PPP2R2B: variants seen among roughly 807,000 people sequenced by gnomAD.
The protein encoded by PPP2R2B is serine/threonine-protein phosphatase 2A 55 kDa regulatory subunit B beta isoform.
A neutral mutation model predicts 46.0 loss-of-function variants in PPP2R2B; 5 were observed. The ratio of observed to expected loss-of-function variants is 0.11; its 90% CI spans 0.06 to 0.23. The LOEUF (loss-of-function observed/expected upper bound fraction) is 0.23, where lower values mean the gene tolerates loss of function less well. PPP2R2B is among the 10% of genes least tolerant of loss of function. PPP2R2B has a pLI of 1.00. For missense variants in PPP2R2B, 367 were observed against 575.0 expected (o/e 0.64, Z 3.70); for synonymous variants, 215 against 206.7 (o/e 1.04, Z -0.34).
At chr5:146,985,383 A>G (rs11167953) in intron 1 of PPP2R2B, among the ~76,000 whole-genome samples, 82,497 of 151,952 alleles carry the variant, frequency 0.54, 22,704 homozygotes, top group Middle Eastern at 0.62. Context: ...TGTTTCCTTT[A>G]CTGTGCAGAA....
At chr5:146,739,147 G>A (rs1752719023) in intron 2 of PPP2R2B, among the ~76,000 whole-genome samples, 1 of 151,970 alleles carries the variant, frequency 6.6e-6, no homozygotes, top group African/African-American at 2.4e-5. Flanking sequence ...CGAACCTCTT[G>A]AGTAGCTAGG....
At chr5:146,812,844 T>TATATGTATATA (rs1271380416) in intron 2 of PPP2R2B, among the ~76,000 whole-genome samples, 1 of 107,914 alleles carries the variant, frequency 9.3e-6, no homozygotes, top group Non-Finnish European at 1.8e-5. Flanking sequence ...CACATTTCCA[T>TATATGTATATA]TATAAAACCA....
At chr5:146,639,990 G>A (rs185950113) in intron 6 of PPP2R2B, among the ~76,000 whole-genome samples, 2 of 152,306 alleles carry the variant, frequency 1.3e-5, no homozygotes, top group Admixed American at 1.3e-4. Context: ...TGAAAGTCTT[G>A]TATGCTTTTC....
intron 1 of PPP2R2B, among the ~76,000 whole-genome samples, chr5:146,980,468 AC>A (rs1177378413): frequency 6.6e-6 from 1 of 152,070 alleles, no homozygotes; most frequent in Admixed American, 6.6e-5. Context: ...CTGACAACCC[AC>A]CCCAGAGATT....
intron 1 of PPP2R2B, among the ~76,000 whole-genome samples, chr5:146,893,809 G>T (rs888365317): frequency 1.3e-5 from 2 of 149,976 alleles, no homozygotes; most frequent in African/African-American, 2.5e-5. Context: ...GCAGCAAACC[G>T]CCATGGCACA....
Position 146,685,078 on chromosome 5 carries a change from G to T in PPP2R2B, c.447+6050C>A, listed in dbSNP as rs543530581. 3.9e-5 allele frequency among the ~76,000 whole-genome samples: 6 copies of T among 152,318 alleles called. No homozygotes were observed. In the East Asian group the frequency reaches 9.6e-4, roughly 24 times the overall value. ...AGCCACACTTTGTAGTGCATGCTTA[G>T]TACAGTGTGTAGCATAGTAGACACT... On this transcript the variant is annotated intron_variant, in intron 5 of 9. Coordinates refer to ENST00000394411, the MANE Select transcript of PPP2R2B (RefSeq NM_181675.4).
upstream of PPP2R2B, chr5:147,056,231 G>C: frequency 1.7e-6 from 1 of 574,338 alleles, no homozygotes; most frequent in Non-Finnish European, 2.2e-6. Flanking sequence ...AGAGATGGCT[G>C]TTAAAAGGAG....
chr5:146,829,497 C>G (rs1175425654), intron 2 of PPP2R2B, among the ~76,000 whole-genome samples: 1 of 152,120 alleles, frequency 6.6e-6, no homozygotes, highest in African/African-American at 2.4e-5. Context: ...TGAAGCCAAG[C>G]ACAGCTAAAG....
intron 2 of PPP2R2B, among the ~76,000 whole-genome samples, chr5:146,792,353 T>G (rs915677209): frequency 6.6e-6 from 1 of 152,212 alleles, no homozygotes; most frequent in Non-Finnish European, 1.5e-5. Flanking sequence ...AACTATCTTC[T>G]GAGTCAATGC....
intron 2 of PPP2R2B, among the ~76,000 whole-genome samples, chr5:146,839,273 C>G (rs562997297): frequency 2.6e-5 from 4 of 152,324 alleles, no homozygotes; most frequent in African/African-American, 9.6e-5. Context: ...GTAACCCCAG[C>G]ACTTACGGAG....
chr5:146,899,428 A>T (rs1762752303), intron 1 of PPP2R2B, among the ~76,000 whole-genome samples: 1 of 138,302 alleles, frequency 7.2e-6, no homozygotes, highest in Non-Finnish European at 1.5e-5. Context: ...GAACAATGAG[A>T]TCACATGGAC....
At chr5:147,018,859 A>G (rs1389174988) in intron 1 of PPP2R2B, among the ~76,000 whole-genome samples, 1 of 152,204 alleles carries the variant, frequency 6.6e-6, no homozygotes, top group African/African-American at 2.4e-5. Context: ...GTAAAGACAG[A>G]CATCAGGCAA....
chr5:146,609,551 CG>C lies in PPP2R2B; in HGVS notation c.791-9092del, dbSNP rs1666996174. ...CTCCCAGCGTGAGCGACGCAGAAGA[CG>C]GGTGATTTCTGCATTTCCATCTGAG... On this transcript the variant is annotated intron_variant, in intron 7 of 9. Transcript: ENST00000394411. 4.0e-5 allele frequency among the ~76,000 whole-genome samples: 6 copies of C among 151,674 alleles called. No individual in the cohort carries two copies. The South Asian group carries it at 1.3e-3, about 32-fold the overall frequency.
intron 1 of PPP2R2B, among the ~76,000 whole-genome samples, chr5:147,020,032 C>T (rs770433687): frequency 1.3e-5 from 2 of 152,178 alleles, no homozygotes; most frequent in Admixed American, 6.6e-5. Flanking sequence ...TAGATGTTCT[C>T]AGAGCTGCAT....
intron 2 of PPP2R2B, among the ~76,000 whole-genome samples, chr5:146,724,876 CT>C (rs1022237496): frequency 2.0e-5 from 3 of 152,156 alleles, no homozygotes; most frequent in Admixed American, 2.0e-4. Flanking sequence ...TCTCTTAAAA[CT>C]TTTGACCTTA....
intron 1 of PPP2R2B, among the ~76,000 whole-genome samples, chr5:146,941,534 T>C (rs1166409115): frequency 6.6e-6 from 1 of 152,168 alleles, no homozygotes; most frequent in Non-Finnish European, 1.5e-5. Context: ...CAGAACCACA[T>C]CAGCATTTAT....
chr5:146,736,591 G>A (rs201454891), intron 2 of PPP2R2B, among the ~76,000 whole-genome samples: 2 of 152,244 alleles, frequency 1.3e-5, no homozygotes, highest in South Asian at 2.1e-4. Context: ...AGCAGCCATC[G>A]TAAGTCTTGA....
At chr5:146,651,244 C>T (rs1775936427) in intron 5 of PPP2R2B, among the ~76,000 whole-genome samples, 1 of 152,144 alleles carries the variant, frequency 6.6e-6, no homozygotes, top group African/African-American at 2.4e-5. Flanking sequence ...TCACCCAAGA[C>T]TCTAATCGTC....
intron 7 of PPP2R2B, among the ~76,000 whole-genome samples, chr5:146,634,564 G>A (rs322492): frequency 0.13 from 19,599 of 151,886 alleles, 2,452 homozygotes; most frequent in African/African-American, 0.31. Context: ...CAGACTCCCA[G>A]CCTTGGGTGA....
Sources: allele counts gnomAD v4.1 joint callset (sites outside exome capture counted in the v4.1 genomes callset), GRCh38; gene constraint gnomAD v4.1.1; transcripts MANE v1.5; gene names NCBI Gene and HGNC (gene_info 2026-07-23, HGNC 2026-07-21).